The following FRMD4A variants were observed in gnomAD, a reference collection of about 807,000 sequenced individuals.
FRMD4A encodes the protein FERM domain containing 4A.
Under a neutral mutation model 129.1 loss-of-function variants are expected in FRMD4A, and 29 were observed. The ratio of observed to expected loss-of-function variants is 0.22; its 90% CI spans 0.17 to 0.31. The LOEUF is 0.31. Ranked by LOEUF, FRMD4A falls within the 10% of genes least tolerant of loss-of-function variation. The pLI, the probability that FRMD4A is intolerant of heterozygous loss-of-function variation, is 1.00. For missense variants in FRMD4A, 1,272 were observed against 1,375.8 expected, an observed-to-expected ratio of 0.92 and a Z score of 1.19; for synonymous variants, 634 against 571.6, an observed-to-expected ratio of 1.11 and a Z score of -1.56.
chr10:14,248,274 G>A (rs145186611), intron 2 of FRMD4A, among the ~76,000 whole-genome samples: 11 of 152,242 alleles, frequency 7.2e-5, no homozygotes, highest in East Asian at 1.9e-4. Flanking sequence ...AAAAAAATCC[G>A]ATTGACTATA....
rs2087192454 is a variant in FRMD4A at position 13,704,393 on chromosome 10, G to A, written c.836+2644C>T. Among the ~76,000 whole-genome samples the A allele has an allele frequency of 1.3e-5, 2 of 152,158 alleles. 1 individual carries two copies. Among genetic ancestry groups the A allele is most frequent in the South Asian group, 4.1e-4 (2 of 4,828 alleles). ...AGTTTGCCTGGGACGAGACAGCTCT[G>A]CTTCTTCCTCTGGGCTCCTCCAACT... On this transcript the variant is annotated intron_variant, in intron 13 of 24. Transcript: ENST00000357447.
At chr10:14,042,346 T>A (rs1833811537) in intron 2 of FRMD4A, among the ~76,000 whole-genome samples, 1 of 152,160 alleles carries the variant, frequency 6.6e-6, no homozygotes, top group African/African-American at 2.4e-5. Flanking sequence ...AGTTCTAAGT[T>A]ACAGGCCAAT....
At position 13,717,710 on chromosome 10, in the gene FRMD4A, T is replaced by TC. The variant is rs1185608499; in HGVS notation, c.760-10598dup. On this transcript the variant is annotated intron_variant, in intron 12 of 24. Coordinates refer to ENST00000357447, the MANE Select transcript of FRMD4A (RefSeq NM_018027.5). The stretch of plus-strand genomic sequence containing the variant: ...TGTTCTTGTTTTTTTTTTTTTTTTT[T>TC]CCAGGGGTGGCGGGGGGGGTTGGCA... Among the ~76,000 whole-genome samples the TC allele has an allele frequency of 7.8e-4, 67 of 85,568 alleles. 2 individuals are homozygous for TC. Among genetic ancestry groups the TC allele is most frequent in the African/African-American group, 2.5e-3 (58 of 23,450 alleles). 56.1% of individuals were successfully genotyped at this position (85,568 alleles called of 152,430 possible).
At chr10:13,904,681 A>G (rs2094860579) in intron 2 of FRMD4A, among the ~76,000 whole-genome samples, 1 of 152,184 alleles carries the variant, frequency 6.6e-6, no homozygotes, top group South Asian at 2.1e-4. Context: ...TTATAGTTAA[A>G]TCCATCCTGC....
intron 2 of FRMD4A, among the ~76,000 whole-genome samples, chr10:14,211,163 T>C (rs1842924366): frequency 6.6e-6 from 1 of 152,238 alleles, no homozygotes; most frequent in African/African-American, 2.4e-5. Context: ...ATGTATAATG[T>C]TTGAGAATAT....
intron 2 of FRMD4A, among the ~76,000 whole-genome samples, chr10:13,902,244 G>A: frequency 6.6e-6 from 1 of 152,108 alleles, no homozygotes; most frequent in East Asian, 1.9e-4. Flanking sequence ...GGCTGGTCTT[G>A]AACTCAAGTG....
At chr10:14,120,038 G>T (rs1299827486) in intron 2 of FRMD4A, among the ~76,000 whole-genome samples, 2 of 145,542 alleles carry the variant, frequency 1.4e-5, no homozygotes, top group Non-Finnish European at 1.5e-5. Context: ...GCATGAGGAT[G>T]ACAGGTAAGT....
intron 2 of FRMD4A, among the ~76,000 whole-genome samples, chr10:14,279,047 G>C (rs1362178169): frequency 1.3e-5 from 2 of 152,140 alleles, no homozygotes; most frequent in Non-Finnish European, 2.9e-5. Flanking sequence ...GCCGTTTCAG[G>C]GAATGTTGAG....
intron 4 of FRMD4A, among the ~76,000 whole-genome samples, chr10:13,809,019 G>C (rs1242754197): frequency 3.3e-5 from 5 of 152,206 alleles, no homozygotes; most frequent in Non-Finnish European, 7.3e-5. Flanking sequence ...ATGCTTTCCT[G>C]GTCAGCACAG....
intron 3 of FRMD4A, among the ~76,000 whole-genome samples, chr10:13,835,969 G>T (rs547478136): frequency 1.3e-5 from 2 of 152,060 alleles, no homozygotes; most frequent in Admixed American, 6.6e-5. Flanking sequence ...TGTCTACTAT[G>T]AGCCTGGCAC....
At chr10:14,321,523 G>T (rs1388554847) in intron 2 of FRMD4A, among the ~76,000 whole-genome samples, 1 of 152,078 alleles carries the variant, frequency 6.6e-6, no homozygotes, top group East Asian at 1.9e-4. Flanking sequence ...AGGGGTGGAG[G>T]AAGGGACCCT....
chr10:14,283,813 A>T (rs1446430010), intron 2 of FRMD4A, among the ~76,000 whole-genome samples: 1 of 152,250 alleles, frequency 6.6e-6, no homozygotes, highest in East Asian at 1.9e-4. Flanking sequence ...CTCTCTGAGA[A>T]TAATAATAAT....
intron 2 of FRMD4A, among the ~76,000 whole-genome samples, chr10:14,211,146 T>C (rs569013969): frequency 2.0e-5 from 3 of 152,356 alleles, no homozygotes; most frequent in East Asian, 3.9e-4. Context: ...ACTAGTCAAA[T>C]AAATTAATGT....
intron 15 of FRMD4A, chr10:13,684,175 G>A (rs1402985762): frequency 8.8e-6 from 2 of 227,208 alleles, no homozygotes; most frequent in African/African-American, 2.3e-5. Flanking sequence ...GTTGTTTTTG[G>A]CGACCTTATG....
At chr10:13,787,209 G>C (rs915354922) in intron 5 of FRMD4A, among the ~76,000 whole-genome samples, 1 of 152,198 alleles carries the variant, frequency 6.6e-6, no homozygotes, top group East Asian at 1.9e-4. Context: ...TCACCAAGAC[G>C]ACAGCCTGGA....
At chr10:13,763,895 C>T (rs72769560) in intron 6 of FRMD4A, among the ~76,000 whole-genome samples, 3,970 of 151,966 alleles carry the variant, frequency 0.026, 76 homozygotes, top group Middle Eastern at 0.061. Flanking sequence ...ACCACCACAC[C>T]GGATAATTTT....
intron 4 of FRMD4A, among the ~76,000 whole-genome samples, chr10:13,801,327 A>T (rs1455763945): frequency 6.6e-6 from 1 of 152,148 alleles, no homozygotes; most frequent in Non-Finnish European, 1.5e-5. Flanking sequence ...TGACACCTAT[A>T]TGATCCTACA....
At chr10:14,187,795 TA>T (rs1842194886) in intron 2 of FRMD4A, among the ~76,000 whole-genome samples, 8 of 152,260 alleles carry the variant, frequency 5.3e-5, no homozygotes, top group Non-Finnish European at 1.0e-4. Context: ...GGGTTAGAAG[TA>T]GACTTGGGAA....
At chr10:13,744,564 C>A (rs941890667) in intron 9 of FRMD4A, 1 of 152,186 alleles carries the variant, frequency 6.6e-6, no homozygotes, top group Non-Finnish European at 1.5e-5. Flanking sequence ...ATGAAAGCTA[C>A]CTGGCTAGTC....
Sources: gnomAD v4.1 joint callset for allele counts (sites outside exome capture counted in the v4.1 genomes callset) on GRCh38, gnomAD v4.1.1 for gene constraint, MANE v1.5 for transcripts, NCBI Gene and HGNC (gene_info 2026-07-23, HGNC 2026-07-21) for gene names.